Variants in CSMD1 observed in about 807,000 individuals in gnomAD.
The protein encoded by CSMD1 is CUB and Sushi multiple domains 1.
In CSMD1, 213 loss-of-function variants were observed where a neutral mutation model predicts 417.5. The observed-to-expected ratio is 0.51, with a 90% confidence interval of 0.46 to 0.57. The LOEUF (loss-of-function observed/expected upper bound fraction) is 0.57. Among genes scored for constraint, CSMD1 ranks in the 20% least tolerant of loss-of-function variants. The pLI is 0.00. For synonymous variants in CSMD1, 2,862 were observed against 1,736.8 expected (o/e 1.65, Z -16.11); for missense variants, 6,923 against 4,529.7 (o/e 1.53, Z -15.17).
chr8:4,240,265 T>A (rs1802313239), intron 3 of CSMD1, among the ~76,000 whole-genome samples: 1 of 152,244 alleles, frequency 6.6e-6, no homozygotes, highest in Non-Finnish European at 1.5e-5. Flanking sequence ...GGCAGCCTTT[T>A]CACTGGGAAA....
intron 28 of CSMD1, among the ~76,000 whole-genome samples, chr8:3,220,019 C>T (rs1348155516): frequency 3.3e-5 from 5 of 152,000 alleles, no homozygotes; most frequent in Non-Finnish European, 5.9e-5. Flanking sequence ...GTGGTGCACA[C>T]TTGTAGTCCT....
At chr8:4,170,541 T>G (rs187394218) in intron 3 of CSMD1, among the ~76,000 whole-genome samples, 2 of 151,864 alleles carry the variant, frequency 1.3e-5, no homozygotes, top group Non-Finnish European at 2.9e-5. Context: ...AGTCGGAGTA[T>G]TGGAATATGG....
intron 5 of CSMD1, among the ~76,000 whole-genome samples, chr8:3,986,367 C>T (rs542542872): frequency 6.6e-6 from 1 of 152,114 alleles, no homozygotes; most frequent in Non-Finnish European, 1.5e-5. Flanking sequence ...CTGAGACACC[C>T]CCAGCCAACC....
chr8:4,939,453 G>A (rs990632013), intron 1 of CSMD1, among the ~76,000 whole-genome samples: 1 of 152,184 alleles, frequency 6.6e-6, no homozygotes, highest in Non-Finnish European at 1.5e-5. Context: ...ACCTAATGGA[G>A]TACTATTCAG....
intron 5 of CSMD1, among the ~76,000 whole-genome samples, chr8:3,863,863 CTTTCAG>C (rs1328336042): frequency 6.6e-6 from 1 of 152,096 alleles, no homozygotes; most frequent in African/African-American, 2.4e-5. Context: ...TCTTCCACTT[CTTTCAG>C]TTTCAAAGAT....
intron 6 of CSMD1, among the ~76,000 whole-genome samples, chr8:3,740,788 G>A (rs1231010309): frequency 2.0e-5 from 3 of 152,190 alleles, no homozygotes; most frequent in Non-Finnish European, 4.4e-5. Context: ...GAATCACTGT[G>A]TTTACCTTGA....
At chr8:3,370,840 G>A (rs867373254) in intron 18 of CSMD1, among the ~76,000 whole-genome samples, 1 of 152,246 alleles carries the variant, frequency 6.6e-6, no homozygotes, top group Non-Finnish European at 1.5e-5. Flanking sequence ...GCCAGGCATA[G>A]TGGCAGAAGC....
chr8:2,983,889 T>C (rs774379719), intron 54 of CSMD1, among the ~76,000 whole-genome samples: 8 of 152,240 alleles, frequency 5.3e-5, no homozygotes, highest in Non-Finnish European at 1.2e-4. Flanking sequence ...AAAAGTAAAA[T>C]CGAAACTGTC....
chr8:3,308,224 C>T, intron 24 of CSMD1, 88 bp downstream of exon 24: 1 of 1,031,358 alleles, frequency 9.7e-7, no homozygotes, highest in Non-Finnish European at 1.4e-6. Flanking sequence ...AATTCCTCCT[C>T]TTTTCCAATA....
rs1215883963 is a variant in CSMD1 at position 4,335,676 on chromosome 8, T to G, written c.415+84277A>C. Among the ~76,000 whole-genome samples the G allele has an allele frequency of 1.3e-5, 2 of 152,126 alleles. 1 individual carries two copies. Among genetic ancestry groups the G allele is most frequent in the Non-Finnish European group, 2.9e-5 (2 of 68,018 alleles). On this transcript the variant is annotated intron_variant, in intron 3 of 69. Transcript: ENST00000635120. ...AAGTTGCTGGGAGCATGAAGTATAT[T>G]GTGCAAAATTGTTACAGAATATAGT... is the stretch of plus-strand genomic sequence containing the variant.
intron 7 of CSMD1, among the ~76,000 whole-genome samples, chr8:3,696,315 C>T (rs951887231): frequency 6.6e-6 from 1 of 152,206 alleles, no homozygotes. Flanking sequence ...TGCCTTCCAT[C>T]TCCGAAGCAC....
chr8:3,197,528 C>A lies in CSMD1; in HGVS notation c.5194+2186G>T, dbSNP rs546681391. 6.2e-3 allele frequency among the ~76,000 whole-genome samples: 914 copies of A among 146,854 alleles called. 11 individuals carry two copies. The highest frequency in any genetic ancestry group is 0.021 in the African/African-American group (840 of 39,636). ...TCACCCAGGCTGGAGTGCAGTGGCG[C>A]GATCTCCACTCACTGCAAGCTCCGC... On this transcript the variant is annotated intron_variant, in intron 33 of 69. Coordinates refer to ENST00000635120, the MANE Select transcript of CSMD1 (RefSeq NM_033225.6).
rs561883316 is a variant in CSMD1 at position 4,633,501 on chromosome 8, G to A, written c.302+3841C>T. On this transcript the variant is annotated intron_variant, in intron 2 of 69. Transcript: ENST00000635120. ...ACTGACCTCGTGATCCAACTGCCTC[G>A]GCCTCCCAAAGTGCTGGGATTACAG... is the stretch of plus-strand genomic sequence containing the variant. Among the ~76,000 whole-genome samples, 245 of 151,742 alleles carry A rather than the reference G, an allele frequency of 1.6e-3. 1 individual carries two copies. Among genetic ancestry groups the A allele is most frequent in the African/African-American group, 5.4e-3 (222 of 41,340 alleles).
chr8:3,900,601 G>C (rs1431553879), intron 5 of CSMD1, among the ~76,000 whole-genome samples: 2 of 151,762 alleles, frequency 1.3e-5, no homozygotes, highest in African/African-American at 4.8e-5. Flanking sequence ...CTGGGTGACA[G>C]TGTAGCTGGG....
chr8:3,833,239 A>G (rs1015125410), intron 5 of CSMD1, among the ~76,000 whole-genome samples: 1 of 152,124 alleles, frequency 6.6e-6, no homozygotes, highest in African/African-American at 2.4e-5. Flanking sequence ...TTCTAACCAT[A>G]TTACACATGT....
intron 3 of CSMD1, among the ~76,000 whole-genome samples, chr8:4,293,253 G>A (rs967966695): frequency 2.0e-5 from 3 of 152,166 alleles, no homozygotes; most frequent in Non-Finnish European, 2.9e-5. Context: ...ACAGAGTCGT[G>A]GAGAGACACA....
intron 1 of CSMD1, among the ~76,000 whole-genome samples, chr8:4,774,435 T>G (rs1406357739): frequency 6.6e-6 from 1 of 152,168 alleles, no homozygotes; most frequent in Non-Finnish European, 1.5e-5. Context: ...TTAATTATGG[T>G]AGTAAGTATA....
chr8:4,096,856 G>T (rs979294580), intron 3 of CSMD1, among the ~76,000 whole-genome samples: 1 of 152,252 alleles, frequency 6.6e-6, no homozygotes, highest in East Asian at 1.9e-4. Flanking sequence ...CTCAGGTAAA[G>T]GATTCCTGCA....
At chr8:4,890,361 G>A (rs1478062684) in intron 1 of CSMD1, among the ~76,000 whole-genome samples, 7 of 152,092 alleles carry the variant, frequency 4.6e-5, no homozygotes, top group Non-Finnish European at 1.0e-4. Flanking sequence ...CACATACAGG[G>A]GAGATGGCAC....
Sources: allele counts gnomAD v4.1 joint callset (sites outside exome capture counted in the v4.1 genomes callset), GRCh38; gene constraint gnomAD v4.1.1; transcripts MANE v1.5; gene names NCBI Gene and HGNC (gene_info 2026-07-23, HGNC 2026-07-21).